NHS: variants seen among roughly 807,000 people sequenced by gnomAD.
The protein encoded by NHS is actin remodeling regulator NHS.
Under a neutral mutation model 72.5 loss-of-function variants are expected in NHS, and 5 were observed. The ratio of observed to expected loss-of-function variants is 0.07; its 90% confidence interval spans 0.04 to 0.14. The LOEUF is 0.14. Ranked by LOEUF, NHS falls within the 10% of genes least tolerant of loss-of-function variation. The pLI, the probability that NHS is intolerant of heterozygous loss-of-function variation, is 1.00. For missense variants in NHS, 1,072 were observed against 1,355.7 expected (o/e 0.79, Z 3.29); for synonymous variants, 464 against 547.7 (o/e 0.85, Z 2.13).
chrX:17,486,335 G>A (rs149350725), intron 1 of NHS, among the ~76,000 whole-genome samples: 8 of 112,403 alleles, frequency 7.1e-5, no homozygotes, highest in African/African-American at 2.6e-4. Flanking sequence ...GTCACTCATT[G>A]CTGTATAACA....
At chrX:17,638,113 A>G (rs1257787990) in intron 1 of NHS, among the ~76,000 whole-genome samples, 1 of 111,701 alleles carries the variant, frequency 9.0e-6, no homozygotes, top group Non-Finnish European at 1.9e-5. Context: ...CCTTATGCCA[A>G]CCCATAGTCA....
chrX:17,733,947 A>C lies in NHS; in HGVS notation c.*1483A>C, dbSNP rs1343840969. ...TTTCTTGTCTTAAAACTGAAAAAAA[A>C]ATGTAGTTACACGTTAAAATCTGCA... On this transcript the variant is annotated 3_prime_UTR_variant, in exon 9 of 9. Transcript: ENST00000676302. 2 of 112,383 alleles carry C rather than the reference A, an allele frequency of 1.8e-5. No homozygotes were observed. The highest frequency in any genetic ancestry group is 3.8e-5 in the Non-Finnish European group (2 of 53,256). The allele number at this position is 112,383 out of a possible 1,213,427, so 9.3% of individuals were successfully genotyped here.
intron 1 of NHS, among the ~76,000 whole-genome samples, chrX:17,413,347 T>A (rs766264619): frequency 8.9e-6 from 1 of 112,414 alleles, no homozygotes; most frequent in East Asian, 2.8e-4. Context: ...GTTCATTGCA[T>A]CATGATCATA....
intron 1 of NHS, among the ~76,000 whole-genome samples, chrX:17,558,805 A>G (rs2065396259): frequency 8.9e-6 from 1 of 112,339 alleles, no homozygotes; most frequent in African/African-American, 3.2e-5. Context: ...AGGCTGTGCA[A>G]ATTGTTTTGA....
chrX:17,475,985 C>A (rs2064915696), intron 1 of NHS, among the ~76,000 whole-genome samples: 1 of 111,593 alleles, frequency 9.0e-6, no homozygotes, highest in South Asian at 3.8e-4. Context: ...TGCAACATCA[C>A]AAGAGAATTC....
At position 17,567,020 on chromosome X, in the gene NHS, G is replaced by A. The variant is rs142311309; in HGVS notation, c.566-120722G>A. Among the ~76,000 whole-genome samples the A allele has an allele frequency of 2.6e-3, 289 of 112,323 alleles. 4 individuals are homozygous for A. The East Asian group carries it at 0.06, about 23-fold the overall frequency. ...TGAGCCCTTTTCTGTGCTCCAGAAT[G>A]TGAAAGCAAAATGGCCTTTTCCGTT... On this transcript the variant is annotated intron_variant, in intron 1 of 8. Coordinates refer to ENST00000676302, the MANE Select transcript of NHS (RefSeq NM_001291867.2).
In NHS at chrX:17,375,662, G is replaced by A. The variant is rs1308636085; in HGVS notation, c.-96G>A. 4.1e-6 allele frequency: 4 copies of A among 973,752 alleles called. No homozygotes were observed. Among genetic ancestry groups the A allele is most frequent in the Non-Finnish European group, 5.6e-6 (4 of 714,106 alleles). The allele number at this position is 973,752 out of a possible 1,213,427, so 80.2% of individuals were successfully genotyped here. Reference sequence around the variant, plus strand: ...GGACTGCCAGATCGCGCTTTTGCCGGACTCCTGCCCCCTCCCTGCTCAGGT... The same window carrying A: ...GGACTGCCAGATCGCGCTTTTGCCGAACTCCTGCCCCCTCCCTGCTCAGGT... On this transcript the variant is annotated 5_prime_UTR_variant, in exon 1 of 9. Transcript: ENST00000676302.
intron 7 of NHS, 46 bp downstream of exon 7, chrX:17,728,374 ACTTC>A: frequency 8.8e-7 from 1 of 1,130,655 alleles, no homozygotes. Flanking sequence ...GTCTCATGGC[ACTTC>A]CTGGAATTTT....
chrX:17,601,873 G>A (rs926916666), intron 1 of NHS, among the ~76,000 whole-genome samples: 5 of 111,899 alleles, frequency 4.5e-5, no homozygotes, highest in African/African-American at 1.6e-4. Context: ...TACATAAAAG[G>A]ACATATAAAC....
chrX:17,663,274 A>G (rs1311326417), intron 1 of NHS, among the ~76,000 whole-genome samples: 2 of 111,846 alleles, frequency 1.8e-5, no homozygotes, highest in African/African-American at 6.5e-5. Flanking sequence ...GTTATGCATA[A>G]GTCTTAAGTG....
chrX:17,527,370 G>T (rs1601747904), intron 1 of NHS, among the ~76,000 whole-genome samples: 2 of 113,455 alleles, frequency 1.8e-5, no homozygotes, highest in African/African-American at 6.4e-5. Context: ...AGCTTCCCTG[G>T]CTCTGCCCCT....
chrX:17,603,785 C>G (rs1040673388), intron 1 of NHS, among the ~76,000 whole-genome samples: 1 of 111,866 alleles, frequency 8.9e-6, no homozygotes, highest in Non-Finnish European at 1.9e-5. Context: ...ACACCCAAAG[C>G]TAGAGTGGCA....
At chrX:17,446,734 A>C (rs1249379688) in intron 1 of NHS, among the ~76,000 whole-genome samples, 3 of 111,078 alleles carry the variant, frequency 2.7e-5, no homozygotes, top group Middle Eastern at 4.2e-3. Flanking sequence ...ATCACTGTTA[A>C]TATTTTGGTG....
At chrX:17,653,367 T>A (rs2065939077) in intron 1 of NHS, among the ~76,000 whole-genome samples, 1 of 111,303 alleles carries the variant, frequency 9.0e-6, no homozygotes, top group Non-Finnish European at 1.9e-5. Context: ...GAGCTAGGAT[T>A]CAAACACAGG....
At chrX:17,393,621 G>A (rs2064456937) in intron 1 of NHS, among the ~76,000 whole-genome samples, 1 of 112,244 alleles carries the variant, frequency 8.9e-6, no homozygotes, top group South Asian at 3.7e-4. Flanking sequence ...CAGTGGAGGA[G>A]GAAGAGTGAT....
At chrX:17,724,175 T>C (rs2066426874) in intron 5 of NHS, 124 bp from the exon 6 acceptor site, 1 of 864,601 alleles carries the variant, frequency 1.2e-6, no homozygotes, top group Non-Finnish European at 1.7e-6. Context: ...AGCTCCCTTA[T>C]ATTTGTTCAC....
At chrX:17,559,875 G>A (rs1205848668) in intron 1 of NHS, among the ~76,000 whole-genome samples, 1 of 111,269 alleles carries the variant, frequency 9.0e-6, no homozygotes, top group Non-Finnish European at 1.9e-5. Context: ...CCAGTTACTC[G>A]CTAACTCTCT....
chrX:17,684,693 C>T (rs1203278541), intron 1 of NHS, among the ~76,000 whole-genome samples: 1 of 111,670 alleles, frequency 9.0e-6, no homozygotes, highest in Non-Finnish European at 1.9e-5. Flanking sequence ...TAACTCAAGT[C>T]GATTGAGTAC....
rs745327335 is a variant in NHS, at chrX:17,721,491, G to A, written c.966G>A (p.Pro322=). ...CAGATGTCATGTTAGGGCAGAGGCC[G>A]AAAAACCCAATACACAATATCCCTT... ...EDTDVMLGQR[P]KNPIHNIPST... The change falls in exon 5 of 9, where the codon CCG becomes CCA. Residue 322 remains proline, a synonymous_variant. Transcript: ENST00000676302. The A allele has an allele frequency of 1.1e-4, 136 of 1,209,559 alleles. No homozygotes were observed. Among genetic ancestry groups the A allele is most frequent in the Middle Eastern group, 2.3e-4 (1 of 4,373 alleles).
Sources: gnomAD v4.1 joint callset for allele counts (sites outside exome capture counted in the v4.1 genomes callset) on GRCh38, gnomAD v4.1.1 for gene constraint, MANE v1.5 for transcripts, NCBI Gene and HGNC (gene_info 2026-07-23, HGNC 2026-07-21) for gene names.